The following PTGER3 variants were observed in gnomAD, a reference collection of about 807,000 sequenced individuals.
PTGER3 encodes the protein prostaglandin E2 receptor EP3 subtype.
Under a neutral mutation model 34.7 loss-of-function variants are expected in PTGER3, and 22 were observed. That is an observed-to-expected ratio of 0.63 (90% CI 0.45 to 0.91). PTGER3 has a LOEUF of 0.91. Ranked by LOEUF, PTGER3 falls within the 40% of genes least tolerant of loss-of-function variation. PTGER3 has a pLI of 0.00. For synonymous variants in PTGER3, 241 were observed against 230.1 expected, an observed-to-expected ratio of 1.05 and a Z score of -0.43; for missense variants, 468 against 519.4, an observed-to-expected ratio of 0.90 and a Z score of 0.96.
At chr1:70,908,176 T>A (rs551564640) in intron 4 of PTGER3, among the ~76,000 whole-genome samples, 1 of 152,172 alleles carries the variant, frequency 6.6e-6, no homozygotes, top group East Asian at 1.9e-4. Context: ...AGAGGCAAGG[T>A]GTCCCCGAGG....
chr1:70,981,391 CT>C (rs1463805933), intron 2 of PTGER3, among the ~76,000 whole-genome samples: 1,828 of 62,544 alleles, frequency 0.029, 9 homozygotes, highest in East Asian at 0.049. Flanking sequence ...TTCTTTCTTT[CT>C]TTCCTTCCTT....
intron 4 of PTGER3, among the ~76,000 whole-genome samples, chr1:70,888,688 A>G (rs566732996): frequency 6.6e-6 from 1 of 152,060 alleles, no homozygotes; most frequent in African/African-American, 2.4e-5. Flanking sequence ...TTTTAAATTC[A>G]TCCGAGATGT....
chr1:70,976,353 C>T (rs943693734), intron 2 of PTGER3, among the ~76,000 whole-genome samples: 4 of 151,964 alleles, frequency 2.6e-5, no homozygotes, highest in East Asian at 1.9e-4. Context: ...GGTAATAATG[C>T]GGTGTCCTTG....
intron 1 of PTGER3, among the ~76,000 whole-genome samples, chr1:71,029,953 T>TAATAAG: frequency 7.1e-6 from 1 of 141,188 alleles, no homozygotes. Context: ...ATAATAATAA[T>TAATAAG]AATAATAACA....
chr1:70,921,902 G>A (rs868691509), intron 4 of PTGER3, among the ~76,000 whole-genome samples: 7 of 152,118 alleles, frequency 4.6e-5, no homozygotes, highest in Non-Finnish European at 8.8e-5. Context: ...TTAAAAATAA[G>A]TTCTAAATCA....
In PTGER3 at chr1:70,898,024, G is replaced by A. The variant is rs906545484; in HGVS notation, c.*24-45165C>T. Among the ~76,000 whole-genome samples the A allele has an allele frequency of 2.0e-5, 3 of 152,212 alleles. No individual in the cohort carries two copies. The East Asian group carries it at 5.8e-4, about 29-fold the overall frequency. Reference sequence around the variant, plus strand: ...ATTTAAAAAAAAAAGTGAGGGTTGGGGAGTGGGTAATTGGAAAGAAGGTCT... The same window carrying A: ...ATTTAAAAAAAAAAGTGAGGGTTGGAGAGTGGGTAATTGGAAAGAAGGTCT... On this transcript the variant is annotated intron_variant, in intron 4 of 4. Transcript: ENST00000370931.
chr1:70,973,261 A>AGATAGAT (rs1448059026), intron 3 of PTGER3, among the ~76,000 whole-genome samples: 1 of 136,618 alleles, frequency 7.3e-6, no homozygotes, highest in Non-Finnish European at 1.6e-5. Context: ...ATAGATAGAT[A>AGATAGAT]GATAGATGAT....
At chr1:70,951,620 T>G (rs1217937765), downstream of PTGER3, 1 of 152,164 alleles carries the variant, frequency 6.6e-6, no homozygotes, top group Non-Finnish European at 1.5e-5. Flanking sequence ...AATAACAATA[T>G]TAACTGAGCA....
chr1:71,040,948 G>C (rs1660260592), intron 1 of PTGER3, among the ~76,000 whole-genome samples: 1 of 152,144 alleles, frequency 6.6e-6, no homozygotes, highest in Admixed American at 6.5e-5. Context: ...GAGGGGTAAA[G>C]TGGCAATGAA....
intron 4 of PTGER3, among the ~76,000 whole-genome samples, chr1:70,860,908 A>G (rs1427236316): frequency 6.6e-6 from 1 of 152,222 alleles, no homozygotes; most frequent in Non-Finnish European, 1.5e-5. Flanking sequence ...TTATGGAATT[A>G]TTAAGTAGCT....
At chr1:70,864,643 C>G (rs1646001416) in intron 4 of PTGER3, among the ~76,000 whole-genome samples, 1 of 152,154 alleles carries the variant, frequency 6.6e-6, no homozygotes, top group Non-Finnish European at 1.5e-5. Flanking sequence ...ACATAGTTCC[C>G]TCAAATCGAG....
intron 4 of PTGER3, among the ~76,000 whole-genome samples, chr1:70,886,770 C>T (rs537456216): frequency 6.6e-6 from 1 of 152,266 alleles, no homozygotes; most frequent in South Asian, 2.1e-4. Context: ...AAGCACAGAT[C>T]CTGGCACACA....
intron 2 of PTGER3, among the ~76,000 whole-genome samples, chr1:70,996,953 C>T (rs965055456): frequency 1.3e-5 from 2 of 152,146 alleles, no homozygotes; most frequent in Admixed American, 6.5e-5. Context: ...TGAGCCACTG[C>T]GCCTGGCCTG....
At chr1:70,957,430 C>A (rs1020059560) in intron 2 of PTGER3, among the ~76,000 whole-genome samples, 4 of 152,132 alleles carry the variant, frequency 2.6e-5, no homozygotes, top group African/African-American at 9.7e-5. Context: ...CCATTATGAA[C>A]AACATAAATA....
chr1:70,950,872 T>A (rs1650695840), downstream of PTGER3: 1 of 151,948 alleles, frequency 6.6e-6, no homozygotes, highest in African/African-American at 2.4e-5. Context: ...CTAATTTTCA[T>A]TTTTTTTGTT....
intron 2 of PTGER3, chr1:71,007,194 T>C (rs1657044685): frequency 6.1e-6 from 6 of 985,658 alleles, no homozygotes; most frequent in Non-Finnish European, 7.2e-6. Context: ...TGGATTAAAG[T>C]GCCAATGATT....
chr1:70,948,225 A>G (rs902381845), downstream of PTGER3, among the ~76,000 whole-genome samples: 3 of 152,218 alleles, frequency 2.0e-5, no homozygotes, highest in Admixed American at 1.3e-4. Flanking sequence ...TATACATGGT[A>G]GGGACCCAGT....
At position 71,025,165 on chromosome 1, in the gene PTGER3, T is replaced by TTCCTTCC. The variant is rs1553178212; in HGVS notation, c.898-12682_898-12681insGGAAGGA. Among the ~76,000 whole-genome samples the TTCCTTCC allele has an allele frequency of 6.5e-3, 516 of 79,622 alleles. 6 individuals carry two copies. The highest frequency in any genetic ancestry group is 0.016 in the African/African-American group (323 of 19,748). 52.2% of individuals were successfully genotyped at this position (79,622 alleles called of 152,430 possible). A position where few individuals can be genotyped will look rare whatever the true frequency, so the allele number is the denominator to read the frequency against. On this transcript the variant is annotated intron_variant, in intron 1 of 3. Transcript: ENST00000306666. Reference sequence around the variant, plus strand: ...CCTTCCTTCCTTCCTTCCTTCCTTCTTTCCTTCCTTTTTTTCCTTCCTTCC... The same window carrying TTCCTTCC: ...CCTTCCTTCCTTCCTTCCTTCCTTCTTCCTTCCTTCCTTCCTTTTTTTCCTTCCTTCC...
chr1:70,897,119 C>T (rs1646737418), intron 4 of PTGER3, among the ~76,000 whole-genome samples: 1 of 152,114 alleles, frequency 6.6e-6, no homozygotes, highest in Non-Finnish European at 1.5e-5. Context: ...AAACAGCCCA[C>T]CACTCAGCGA....
Sources: allele counts gnomAD v4.1 joint callset (sites outside exome capture counted in the v4.1 genomes callset), GRCh38; gene constraint gnomAD v4.1.1; transcripts MANE v1.5; gene names NCBI Gene and HGNC (gene_info 2026-07-23, HGNC 2026-07-21).